The following TRPS1 variants were observed in gnomAD, a reference collection of about 807,000 sequenced individuals.
The protein encoded by TRPS1 is transcriptional repressor GATA binding 1, also known as zinc finger transcription factor Trps1.
A neutral mutation model predicts 101.2 loss-of-function variants in TRPS1; 6 were observed. The ratio of observed to expected loss-of-function variants is 0.06; its 90% CI spans 0.03 to 0.12. The LOEUF (loss-of-function observed/expected upper bound fraction) is 0.12, where lower values mean the gene tolerates loss of function less well. Ranked by LOEUF, TRPS1 falls within the 10% of genes least tolerant of loss-of-function variation. The pLI is 1.00. For missense variants in TRPS1, 1,363 were observed against 1,567.0 expected (o/e 0.87, Z 2.20); for synonymous variants, 578 against 589.8 (o/e 0.98, Z 0.29).
chr8:115,424,792 C>G (rs1813148817), intron 5 of TRPS1, among the ~76,000 whole-genome samples: 1 of 152,156 alleles, frequency 6.6e-6, no homozygotes, highest in Admixed American at 6.5e-5. Flanking sequence ...TCACATTGTT[C>G]TATTAATTAC....
intron 5 of TRPS1, among the ~76,000 whole-genome samples, chr8:115,535,994 T>G (rs1816310441): frequency 6.6e-6 from 1 of 151,998 alleles, no homozygotes; most frequent in African/African-American, 2.4e-5. Flanking sequence ...GCTACCATTT[T>G]CACATCATAA....
intron 5 of TRPS1, among the ~76,000 whole-genome samples, chr8:115,533,603 G>C (rs539436583): frequency 2.6e-4 from 39 of 151,976 alleles, no homozygotes; most frequent in African/African-American, 9.2e-4. Context: ...ATCAAATGTA[G>C]TTACATTCTG....
At chr8:115,596,511 G>A (rs1817787532) in intron 4 of TRPS1, among the ~76,000 whole-genome samples, 1 of 151,874 alleles carries the variant, frequency 6.6e-6, no homozygotes, top group African/African-American at 2.4e-5. Context: ...ATCATAGAAT[G>A]TGATTTTACA....
In TRPS1 at chr8:115,605,710, G is replaced by T. The variant is rs528512200; in HGVS notation, c.967-708C>A. Reference sequence around the variant, plus strand: ...ATCTTCCATGCCTTATTTGATTAAGGTTCTGTTTCATTGCAAAGGGCTCCC... The same window carrying T: ...ATCTTCCATGCCTTATTTGATTAAGTTTCTGTTTCATTGCAAAGGGCTCCC... On this transcript the variant is annotated intron_variant, in intron 3 of 6. Coordinates refer to ENST00000395715, the MANE Select transcript of TRPS1 (RefSeq NM_014112.5). 8.1e-4 allele frequency among the ~76,000 whole-genome samples: 124 copies of T among 152,232 alleles called. 1 individual carries two copies. The highest frequency in any genetic ancestry group is 1.4e-3 in the Non-Finnish European group (92 of 68,012).
Position 115,587,559 on chromosome 8 carries a change from A to ACTGT in TRPS1, c.2141_2142insACAG (p.Ala715GlnfsTer43). The ACTGT allele has an allele frequency of 1.2e-6, 2 of 1,614,162 alleles. No homozygotes were observed. The highest frequency in any genetic ancestry group is 1.7e-6 in the Non-Finnish European group (2 of 1,180,018). ...GCTCCAGTAGTGACTGAGTATCGGC[A>ACTGT]GCTGTAAAACTGCACTGACGGCATT... On this transcript the variant is annotated frameshift_variant, in exon 5 of 7. Transcript: ENST00000395715. LOFTEE classifies it high-confidence loss of function.
At chr8:115,460,534 A>G (rs1332048813) in intron 5 of TRPS1, among the ~76,000 whole-genome samples, 1 of 152,104 alleles carries the variant, frequency 6.6e-6, no homozygotes, top group African/African-American at 2.4e-5. Context: ...TGTATTGAAA[A>G]TTATACTTAC....
At chr8:115,554,286 C>T (rs1383839362) in intron 5 of TRPS1, among the ~76,000 whole-genome samples, 6 of 152,044 alleles carry the variant, frequency 3.9e-5, no homozygotes, top group Admixed American at 3.9e-4. Flanking sequence ...CAGAGATAAC[C>T]TAAGAGTAGA....
chr8:115,531,724 T>C (rs1038909604), intron 5 of TRPS1, among the ~76,000 whole-genome samples: 1 of 151,790 alleles, frequency 6.6e-6, no homozygotes, highest in African/African-American at 2.4e-5. Context: ...AATACATAGC[T>C]GAGAAGGGTT....
chr8:115,644,107 T>A (rs1818961707), intron 1 of TRPS1, among the ~76,000 whole-genome samples: 1 of 152,226 alleles, frequency 6.6e-6, no homozygotes, highest in Admixed American at 6.5e-5. Context: ...AGAGCACAGC[T>A]CCACAGAGTA....
Position 115,603,927 on chromosome 8 carries a change from C to T in TRPS1, c.2042G>A (p.Cys681Tyr). 6.2e-7 allele frequency: 1 copy of T among 1,613,996 alleles called. No individual in the cohort carries two copies. Residue 681 changes from cysteine (C) to tyrosine (Y), a missense_variant, in exon 4 of 7, where the codon TGT becomes TAT. This residue lies in a region of TRPS1 where 1,020 missense variants were observed against 1,073.0 expected (regional missense o/e 0.95). Transcript: ENST00000395715. Reference sequence around the variant, plus strand: ...TTGGGTAATAAAATCACATTTGGTACATGAGTGTTCTTTGCTTTCCTTGAC... The same window carrying T: ...TTGGGTAATAAAATCACATTTGGTATATGAGTGTTCTTTGCTTTCCTTGAC... ...QSVKESKEHS[C>Y]TKCDFITQVE...
chr8:115,620,156 G>T (rs2130534646), intron 2 of TRPS1, 96 bp from the exon 3 acceptor site: 1 of 1,268,404 alleles, frequency 7.9e-7, no homozygotes, highest in Non-Finnish European at 1.1e-6. Context: ...AGTTTTTTAA[G>T]GTGCATAATC....
chr8:115,668,759 A>C lies in TRPS1; in HGVS notation c.-336T>G, dbSNP rs1437886251. ...AGAGAGAGAAAGAGAAAGGAAATAG[A>C]GCAAGGATGTGCCCGGTGCCGGGTG... On this transcript the variant is annotated 5_prime_UTR_variant, in exon 1 of 7. Coordinates refer to ENST00000395715, the MANE Select transcript of TRPS1 (RefSeq NM_014112.5). The C allele has an allele frequency of 6.8e-6, 1 of 147,442 alleles. No individual in the cohort carries two copies. The highest frequency in any genetic ancestry group is 1.5e-5 in the Non-Finnish European group (1 of 66,982). 9.1% of individuals were successfully genotyped at this position (147,442 alleles called of 1,614,324 possible).
Position 115,542,082 on chromosome 8 carries a change from C to G in TRPS1, c.2700+44919G>C, listed in dbSNP as rs539069545. 6.6e-5 allele frequency among the ~76,000 whole-genome samples: 10 copies of G among 152,236 alleles called. No homozygotes were observed. The East Asian group carries it at 1.9e-3, about 29-fold the overall frequency. On this transcript the variant is annotated intron_variant, in intron 5 of 6. Transcript: ENST00000395715. ...AGAAATGCAAGATATGGAAGCCTAG[C>G]CAATATTCCATTTGTAATTTGTCAC...
At chr8:115,496,640 C>G (rs542286639) in intron 5 of TRPS1, among the ~76,000 whole-genome samples, 1 of 152,158 alleles carries the variant, frequency 6.6e-6, no homozygotes, top group South Asian at 2.1e-4. Context: ...AACTAATTTA[C>G]TGGTTATTTC....
intron 5 of TRPS1, among the ~76,000 whole-genome samples, chr8:115,498,415 C>CTCTCTCTCTCTCTA (rs1486361297): frequency 1.8e-4 from 7 of 39,314 alleles, no homozygotes; most frequent in African/African-American, 5.5e-4. Context: ...CTCTCTCTCT[C>CTCTCTCTCTCTCTA]TATATATATA....
In TRPS1 at chr8:115,546,085, G is replaced by A. The variant is rs1245147065; in HGVS notation, c.2700+40916C>T. On this transcript the variant is annotated intron_variant, in intron 5 of 6. Coordinates refer to ENST00000395715, the MANE Select transcript of TRPS1 (RefSeq NM_014112.5). ...TTGTCCACATTGTGAACTTAAGCTA[G>A]CATTATTTATATGTAAGAACATATT... 2.0e-5 allele frequency among the ~76,000 whole-genome samples: 3 copies of A among 152,000 alleles called. No homozygotes were observed. In the East Asian group the frequency reaches 5.8e-4, roughly 29 times the overall value.
At chr8:115,459,493 G>T (rs537646946) in intron 5 of TRPS1, among the ~76,000 whole-genome samples, 2 of 152,188 alleles carry the variant, frequency 1.3e-5, no homozygotes, top group South Asian at 4.1e-4. Context: ...AAACAGGAAG[G>T]ATATCACCAG....
chr8:115,515,195 A>G, intron 5 of TRPS1: 1 of 692,898 alleles, frequency 1.4e-6, no homozygotes, highest in South Asian at 1.5e-5. Context: ...TTATCTAAAT[A>G]TTAATAAGAT....
intron 5 of TRPS1, among the ~76,000 whole-genome samples, chr8:115,581,728 A>G (rs1817457018): frequency 6.6e-6 from 1 of 152,200 alleles, no homozygotes; most frequent in South Asian, 2.1e-4. Context: ...ATCAATAAAT[A>G]AGAAAAAGCT....
Sources: gnomAD v4.1 joint callset for allele counts (sites outside exome capture counted in the v4.1 genomes callset) on GRCh38, gnomAD v4.1.1 for gene constraint, gnomAD v4.1.1 regional missense constraint, MANE v1.5 for transcripts, NCBI Gene and HGNC (gene_info 2026-07-23, HGNC 2026-07-21) for gene names.